Variants in R3HDM2 observed in about 807,000 individuals in gnomAD.
R3HDM2 encodes R3H domain containing 2.
A neutral mutation model predicts 124.5 loss-of-function variants in R3HDM2; 38 were observed. The ratio of observed to expected loss-of-function variants is 0.31; its 90% CI spans 0.24 to 0.40. The LOEUF (loss-of-function observed/expected upper bound fraction) is 0.40. Ranked by LOEUF, R3HDM2 falls within the 10% of genes least tolerant of loss-of-function variation. The pLI is 1.00. For synonymous variants in R3HDM2, 391 were observed against 448.0 expected (o/e 0.87, Z 1.61); for missense variants, 869 against 1,236.9 (o/e 0.70, Z 4.46).
At chr12:57,409,652 T>C (rs184971243) in intron 1 of R3HDM2, among the ~76,000 whole-genome samples, 521 of 151,956 alleles carry the variant, frequency 3.4e-3, no homozygotes, top group Middle Eastern at 6.8e-3. Context: ...TCTACTGGAG[T>C]ACCTACAAGC....
Position 57,286,623 on chromosome 12 carries a change from T to G in R3HDM2, c.938+2386A>C, listed in dbSNP as rs563819724. ...AGGGCCAGGCGCGGTGGCTCACGCCTGTAATATGAGGACTTTGGGAGGCTG... is the reference window on the plus strand; with the variant it reads ...AGGGCCAGGCGCGGTGGCTCACGCCGGTAATATGAGGACTTTGGGAGGCTG... On this transcript the variant is annotated intron_variant, in intron 12 of 23. Coordinates refer to ENST00000402412, the MANE Select transcript of R3HDM2 (RefSeq NM_001394031.1). Among the ~76,000 whole-genome samples the G allele has an allele frequency of 6.6e-5, 10 of 152,268 alleles. No individual in the cohort carries two copies. In the East Asian group the frequency reaches 1.7e-3, roughly 26 times the overall value.
At chr12:57,428,528 A>C (rs1251907698) in intron 1 of R3HDM2, among the ~76,000 whole-genome samples, 2 of 146,192 alleles carry the variant, frequency 1.4e-5, no homozygotes, top group Non-Finnish European at 3.1e-5. Flanking sequence ...GTGGGGGGGC[A>C]CCTGTAGTCC....
intron 1 of R3HDM2, among the ~76,000 whole-genome samples, chr12:57,425,713 G>A (rs1594681338): frequency 6.6e-6 from 1 of 152,224 alleles, no homozygotes; most frequent in Middle Eastern, 3.4e-3. Flanking sequence ...CAGAAGAATC[G>A]CTTGAACCTG....
In R3HDM2 at chr12:57,253,953, T is replaced by G; in HGVS notation, c.*820A>C. 2.9e-6 allele frequency: 1 copy of G among 342,808 alleles called. No homozygotes were observed. The highest frequency in any genetic ancestry group is 5.5e-6 in the Non-Finnish European group (1 of 181,448). 21.2% of individuals were successfully genotyped at this position (342,808 alleles called of 1,614,324 possible). ...TCAAACAAACAATATACAAGTGTTC[T>G]GGGGGGGCCAGGGGAATCCCAAGTT... is the stretch of plus-strand genomic sequence containing the variant. On this transcript the variant is annotated 3_prime_UTR_variant, in exon 24 of 24. Transcript: ENST00000402412.
intron 2 of R3HDM2, among the ~76,000 whole-genome samples, chr12:57,357,906 G>T (rs2137456071): frequency 6.6e-6 from 1 of 151,216 alleles, no homozygotes; most frequent in Admixed American, 6.6e-5. Flanking sequence ...ATTCTTTGTT[G>T]ACAGAGTTTC....
chr12:57,363,299 C>G (rs1046457791), intron 2 of R3HDM2, among the ~76,000 whole-genome samples: 8 of 152,062 alleles, frequency 5.3e-5, no homozygotes, highest in African/African-American at 1.7e-4. Flanking sequence ...ATACAATTCA[C>G]CCATTTAAAG....
intron 1 of R3HDM2, among the ~76,000 whole-genome samples, chr12:57,423,680 C>T (rs538019686): frequency 6.6e-6 from 1 of 150,638 alleles, no homozygotes; most frequent in African/African-American, 2.4e-5. Context: ...GACGTGGTGG[C>T]GGGCACCTGT....
In R3HDM2 at chr12:57,258,104, A is replaced by T; in HGVS notation, c.2335T>A (p.Ser779Thr). The T allele has an allele frequency of 4.4e-6, 7 of 1,583,424 alleles. No homozygotes were observed. Among genetic ancestry groups the T allele is most frequent in the Non-Finnish European group, 6.0e-6 (7 of 1,162,594 alleles). ...GAGGGTGCTGGAGACTGGGTAGGAG[A>T]TGTGACAGGGCTGCTGCTCATTTGT... ...NTQMSSSPVT[S>T]PTQSPAPSPV... Residue 779 changes from serine to threonine, a missense_variant, in exon 21 of 24, where the codon TCT becomes ACT. Physicochemically the swap from Ser to Thr is moderately conservative, Grantham distance 58 (BLOSUM62 1). Transcript: ENST00000402412.
In R3HDM2 at chr12:57,391,003, A is replaced by G. The variant is rs77450607; in HGVS notation, c.-36+4746T>C. Among the ~76,000 whole-genome samples the G allele has an allele frequency of 6.2e-4, 94 of 151,044 alleles. 1 individual carries two copies. The East Asian group carries it at 0.014, about 23-fold the overall frequency. On this transcript the variant is annotated intron_variant, in intron 2 of 23. Coordinates refer to ENST00000402412, the MANE Select transcript of R3HDM2 (RefSeq NM_001394031.1). ...CTCCAGCCTGGGCAACAACAACAAA[A>G]CTCCGTCTCAAATAAAAAAAAAAAA...
At chr12:57,260,358 C>A (rs761058288) in intron 19 of R3HDM2, among the ~76,000 whole-genome samples, 1 of 149,450 alleles carries the variant, frequency 6.7e-6, no homozygotes, top group Non-Finnish European at 1.5e-5. Context: ...GTCAGACCCT[C>A]TGAAGGTTAC....
intron 2 of R3HDM2, among the ~76,000 whole-genome samples, chr12:57,371,243 TTAAAGAAG>T (rs2063346014): frequency 6.6e-6 from 1 of 151,634 alleles, no homozygotes; most frequent in Admixed American, 6.6e-5. Context: ...GGTTAACTGT[TTAAAGAAG>T]TAAAGAACAC....
At chr12:57,416,418 T>C (rs951500664) in intron 1 of R3HDM2, among the ~76,000 whole-genome samples, 1 of 152,186 alleles carries the variant, frequency 6.6e-6, no homozygotes, top group Admixed American at 6.5e-5. Context: ...AAATAAAATG[T>C]TGGAGCCAAA....
chr12:57,311,870 C>G (rs1207463369), intron 2 of R3HDM2, among the ~76,000 whole-genome samples: 1 of 152,190 alleles, frequency 6.6e-6, no homozygotes, highest in African/African-American at 2.4e-5. Context: ...TTATCACTTA[C>G]TATCACTACC....
chr12:57,273,464 G>A (rs2044024210), intron 14 of R3HDM2, among the ~76,000 whole-genome samples: 1 of 152,276 alleles, frequency 6.6e-6, no homozygotes, highest in East Asian at 1.9e-4. Context: ...GAGAGAAGGA[G>A]AGAGGCAAGG....
Position 57,269,919 on chromosome 12 carries a change from C to A in R3HDM2, c.1420G>T (p.Ala474Ser). ...QGSTEAADPS[A>S]ALFQTPLISQ... The stretch of plus-strand genomic sequence containing the variant: ...ATAAGTGGGGTCTGGAATAGAGCTG[C>A]AGATGGGTCAGCTGCTTCAGTAGAA... The change falls in exon 15 of 24, where the codon GCA (alanine) becomes TCA (serine). Residue 474 changes from alanine (A) to serine (S), a missense_variant. Around this residue, in one of 2 missense-constraint regions of R3HDM2, gnomAD observed 602 missense variants for 789.2 expected, o/e 0.76. Transcript: ENST00000402412. 6.2e-7 allele frequency: 1 copy of A among 1,614,134 alleles called. No individual in the cohort carries two copies. Among genetic ancestry groups the A allele is most frequent in the Middle Eastern group, 1.6e-4 (1 of 6,062 alleles).
chr12:57,351,171 G>A (rs939953235), intron 2 of R3HDM2, among the ~76,000 whole-genome samples: 1 of 152,122 alleles, frequency 6.6e-6, no homozygotes, highest in African/African-American at 2.4e-5. Flanking sequence ...GAAGGCTGAC[G>A]TGGAAGGACT....
chr12:57,321,544 C>T lies in R3HDM2; in HGVS notation c.-35-11081G>A, dbSNP rs144280480. On this transcript the variant is annotated intron_variant, in intron 2 of 23. Coordinates refer to ENST00000402412, the MANE Select transcript of R3HDM2 (RefSeq NM_001394031.1). ...TGGCATGCCTGTAATCCCAGCTACT[C>T]GGGAAGCTGAGGCAGAAAAATTGCC... is the stretch of plus-strand genomic sequence containing the variant. Among the ~76,000 whole-genome samples, 325 of 152,062 alleles carry T rather than the reference C, an allele frequency of 2.1e-3. 9 individuals carry two copies. The East Asian group carries it at 0.05, about 24-fold the overall frequency.
At chr12:57,360,451 T>C (rs574180572) in intron 2 of R3HDM2, among the ~76,000 whole-genome samples, 2 of 152,070 alleles carry the variant, frequency 1.3e-5, no homozygotes, top group South Asian at 2.1e-4. Context: ...CTGATCAACA[T>C]AGTGAGACCC....
intron 2 of R3HDM2, among the ~76,000 whole-genome samples, chr12:57,351,048 A>G (rs2060626731): frequency 6.6e-6 from 1 of 152,186 alleles, no homozygotes; most frequent in South Asian, 2.1e-4. Flanking sequence ...CAGTGTGCCA[A>G]GACCATGGGT....
Sources: allele counts gnomAD v4.1 joint callset (sites outside exome capture counted in the v4.1 genomes callset), GRCh38; gene constraint gnomAD v4.1.1; regional missense constraint gnomAD v4.1.1; transcripts MANE v1.5; gene names NCBI Gene and HGNC (gene_info 2026-07-23, HGNC 2026-07-21).